The following RAP1GDS1 variants were observed in gnomAD, a reference collection of about 807,000 sequenced individuals.
RAP1GDS1 encodes RAP1, GTP-GDP dissociation stimulator 1.
Under a neutral mutation model 71.1 loss-of-function variants are expected in RAP1GDS1, and 35 were observed. The ratio of observed to expected loss-of-function variants is 0.49; its 90% CI spans 0.38 to 0.65. The LOEUF (loss-of-function observed/expected upper bound fraction) is 0.65, where lower values mean the gene tolerates loss of function less well. RAP1GDS1 is among the 30% of genes least tolerant of loss of function. RAP1GDS1 has a pLI of 0.00. For missense variants in RAP1GDS1, 663 were observed against 706.1 expected (o/e 0.94, Z 0.69); for synonymous variants, 229 against 243.1 (o/e 0.94, Z 0.54).
At chr4:98,309,712 CGTT>C (rs1364987027) in intron 2 of RAP1GDS1, among the ~76,000 whole-genome samples, 1 of 151,720 alleles carries the variant, frequency 6.6e-6, no homozygotes, top group African/African-American at 2.4e-5. Context: ...TAAAATACTA[CGTT>C]GTTTTCTATT....
At chr4:98,276,530 C>A (rs1724227121) in intron 1 of RAP1GDS1, among the ~76,000 whole-genome samples, 1 of 150,444 alleles carries the variant, frequency 6.6e-6, no homozygotes, top group South Asian at 2.1e-4. Flanking sequence ...TTTTTATTTC[C>A]ATGAAGATGG....
intron 14 of RAP1GDS1, 114 bp from the exon 15 acceptor site, chr4:98,441,875 GA>G: frequency 8.5e-7 from 1 of 1,172,330 alleles, no homozygotes; most frequent in Non-Finnish European, 1.1e-6. Flanking sequence ...TCTTTTTCCA[GA>G]ATTGTTTCTA....
chr4:98,424,479 C>G (rs1749326331), intron 12 of RAP1GDS1, among the ~76,000 whole-genome samples: 2 of 152,000 alleles, frequency 1.3e-5, no homozygotes, highest in Non-Finnish European at 2.9e-5. Flanking sequence ...TTTAGAAAAC[C>G]AGCTGAGTGC....
chr4:98,304,577 T>G (rs1729049187), intron 2 of RAP1GDS1, among the ~76,000 whole-genome samples: 4 of 152,214 alleles, frequency 2.6e-5, no homozygotes. Context: ...TAGTTCCTTG[T>G]AAATTCTGGA....
rs575096581 is a variant in RAP1GDS1, at chr4:98,382,179, A to G, written c.508+3016A>G. Among the ~76,000 whole-genome samples the G allele has an allele frequency of 1.1e-3, 172 of 151,770 alleles. 1 individual carries two copies. The South Asian group carries it at 0.018, about 16-fold the overall frequency. ...TACCTCTAAGCTATGAGCTGGATAT[A>G]TACTTTTGTTTCCCTATTGGTGAAG... On this transcript the variant is annotated intron_variant, in intron 5 of 14. Transcript: ENST00000408927.
chr4:98,308,895 A>C (rs1293523315), intron 2 of RAP1GDS1, among the ~76,000 whole-genome samples: 6 of 152,168 alleles, frequency 3.9e-5, no homozygotes, highest in Non-Finnish European at 8.8e-5. Context: ...TTTCAAAGCT[A>C]CATTCAATAA....
At chr4:98,395,080 C>T (rs1744315572) in intron 6 of RAP1GDS1, among the ~76,000 whole-genome samples, 1 of 152,064 alleles carries the variant, frequency 6.6e-6, no homozygotes, top group African/African-American at 2.4e-5. Context: ...ATTCATAAAT[C>T]ATTTGGAAGG....
chr4:98,305,720 G>C (rs1050230684), intron 2 of RAP1GDS1, among the ~76,000 whole-genome samples: 7 of 152,204 alleles, frequency 4.6e-5, no homozygotes, highest in African/African-American at 1.7e-4. Flanking sequence ...CTCTCATGTT[G>C]TGCAGTTGCC....
chr4:98,397,508 C>T (rs1744716419), intron 6 of RAP1GDS1, among the ~76,000 whole-genome samples: 1 of 151,976 alleles, frequency 6.6e-6, no homozygotes, highest in Non-Finnish European at 1.5e-5. Flanking sequence ...ATAAGAACAA[C>T]CTCAAGGGAA....
In RAP1GDS1 at chr4:98,434,121, A is replaced by G. The variant is rs536771971; in HGVS notation, c.1567+59A>G. 17 of 1,581,300 alleles carry G rather than the reference A, an allele frequency of 1.1e-5. No homozygotes were observed. The South Asian group carries it at 1.1e-4, about 10-fold the overall frequency. ...ATTTTTATCTTGGATGAAAGGAAGTATAGAAGTGGAGTTGAAGTCAGACAG... is the reference window on the plus strand; with the variant it reads ...ATTTTTATCTTGGATGAAAGGAAGTGTAGAAGTGGAGTTGAAGTCAGACAG... On this transcript the variant is annotated intron_variant, in intron 13 of 14. Coordinates refer to ENST00000408927, the MANE Select transcript of RAP1GDS1 (RefSeq NM_001100427.2).
intron 1 of RAP1GDS1, among the ~76,000 whole-genome samples, chr4:98,286,357 C>G (rs879665759): frequency 1.3e-5 from 2 of 151,696 alleles, no homozygotes; most frequent in Non-Finnish European, 2.9e-5. Context: ...ATTAGGCTCT[C>G]TCTGTGTAGA....
intron 14 of RAP1GDS1, chr4:98,441,639 T>G: frequency 1.0e-6 from 1 of 979,732 alleles, no homozygotes; most frequent in Non-Finnish European, 1.2e-6. Flanking sequence ...CAGTGGCTCA[T>G]GACTGTCATC....
At chr4:98,377,828 A>G (rs17027523) in intron 4 of RAP1GDS1, among the ~76,000 whole-genome samples, 26,634 of 151,644 alleles carry the variant, frequency 0.18, 2,479 homozygotes, top group South Asian at 0.29. Context: ...TCTTTGTGCT[A>G]TATTTCTGTA....
chr4:98,434,474 TCTC>T (rs778882337), intron 13 of RAP1GDS1, among the ~76,000 whole-genome samples: 15 of 152,098 alleles, frequency 9.9e-5, no homozygotes, highest in Non-Finnish European at 1.8e-4. Context: ...TTCTTGCTGT[TCTC>T]CTTCTCCATC....
intron 4 of RAP1GDS1, among the ~76,000 whole-genome samples, chr4:98,361,076 C>CAAAAAAAA (rs1210869882): frequency 1.2e-5 from 1 of 82,064 alleles, no homozygotes; most frequent in Non-Finnish European, 2.9e-5. Context: ...GACTCTGTCT[C>CAAAAAAAA]AAAAAAAAAA....
chr4:98,369,819 T>C (rs942247912), intron 4 of RAP1GDS1, among the ~76,000 whole-genome samples: 37 of 152,194 alleles, frequency 2.4e-4, no homozygotes, highest in African/African-American at 8.7e-4. Context: ...AAACACACTT[T>C]AAATCTGTGT....
intron 5 of RAP1GDS1, among the ~76,000 whole-genome samples, chr4:98,386,098 T>C (rs1300476993): frequency 2.6e-5 from 4 of 151,760 alleles, no homozygotes; most frequent in Non-Finnish European, 4.4e-5. Context: ...AGTTTTTTTC[T>C]GAGATGAAAG....
At chr4:98,432,826 C>G (rs1022980937) in intron 12 of RAP1GDS1, among the ~76,000 whole-genome samples, 2 of 151,846 alleles carry the variant, frequency 1.3e-5, no homozygotes, top group Non-Finnish European at 2.9e-5. Flanking sequence ...AGATTTAGTT[C>G]AAGAGTTCTA....
chr4:98,373,955 G>A (rs944511755), intron 4 of RAP1GDS1, among the ~76,000 whole-genome samples: 83 of 152,146 alleles, frequency 5.5e-4, no homozygotes, highest in Non-Finnish European at 2.9e-4. Flanking sequence ...GGCAAAGAGG[G>A]AGTTCATGAT....
Sources: allele counts gnomAD v4.1 joint callset (sites outside exome capture counted in the v4.1 genomes callset), GRCh38; gene constraint gnomAD v4.1.1; transcripts MANE v1.5; gene names NCBI Gene and HGNC (gene_info 2026-07-23, HGNC 2026-07-21).